EYA2: variants seen among roughly 807,000 people sequenced by gnomAD.
EYA2 encodes EYA transcriptional coactivator and phosphatase 2.
EYA2 carries 31 observed loss-of-function variants against 69.2 expected under a neutral mutation model. That is an observed-to-expected ratio of 0.45 (90% CI 0.34 to 0.60). The LOEUF (loss-of-function observed/expected upper bound fraction) is 0.60. EYA2 is among the 20% of genes least tolerant of loss of function. EYA2 has a pLI of 0.02. For missense variants in EYA2, 622 were observed against 701.2 expected, an observed-to-expected ratio of 0.89 and a Z score of 1.28; for synonymous variants, 257 against 279.4, an observed-to-expected ratio of 0.92 and a Z score of 0.80.
At position 46,912,394 on chromosome 20, in the gene EYA2, A is replaced by G. The variant is rs77415751; in HGVS notation, c.-11+17407A>G. 3.7e-3 allele frequency among the ~76,000 whole-genome samples: 557 copies of G among 152,276 alleles called. 6 individuals are homozygous for G. Among genetic ancestry groups the G allele is most frequent in the African/African-American group, 0.013 (526 of 41,560 alleles). On this transcript the variant is annotated intron_variant, in intron 1 of 15. Transcript: ENST00000327619. ...ACAAATCCTGTCGAGTGTCTGAAAT[A>G]CCATCCATGTGAAGGTTTCCCATGA...
intron 5 of EYA2, among the ~76,000 whole-genome samples, chr20:47,059,143 T>G (rs191796397): frequency 2.1e-4 from 32 of 152,234 alleles, no homozygotes; most frequent in African/African-American, 7.7e-4. Context: ...AAATTAACTC[T>G]GCCTTAACAC....
chr20:46,961,493 C>T, intron 1 of EYA2, among the ~76,000 whole-genome samples: 1 of 152,236 alleles, frequency 6.6e-6, no homozygotes, highest in African/African-American at 2.4e-5. Context: ...ATATAGCTAC[C>T]ATATGATCCA....
chr20:46,971,702 T>A (rs959869740), intron 1 of EYA2, among the ~76,000 whole-genome samples: 3 of 152,238 alleles, frequency 2.0e-5, no homozygotes, highest in Non-Finnish European at 2.9e-5. Context: ...GAACTTATCT[T>A]TTCACATTAT....
intron 1 of EYA2, among the ~76,000 whole-genome samples, chr20:46,949,731 T>C (rs999776003): frequency 4.6e-5 from 7 of 152,226 alleles, no homozygotes; most frequent in African/African-American, 1.7e-4. Flanking sequence ...CTTGATACTT[T>C]TATGTAGCTG....
At chr20:47,007,873 C>T (rs1245767355) in intron 4 of EYA2, among the ~76,000 whole-genome samples, 1 of 152,052 alleles carries the variant, frequency 6.6e-6, no homozygotes, top group East Asian at 1.9e-4. Flanking sequence ...AGCAATCCTC[C>T]TATCTCTGCT....
chr20:46,957,246 C>G (rs752581901), intron 1 of EYA2, among the ~76,000 whole-genome samples: 21 of 152,174 alleles, frequency 1.4e-4, no homozygotes, highest in Non-Finnish European at 2.9e-4. Context: ...GTACCCCTTC[C>G]TCCTTCTTTA....
At chr20:47,063,423 G>A (rs1429285777) in intron 5 of EYA2, among the ~76,000 whole-genome samples, 1 of 144,868 alleles carries the variant, frequency 6.9e-6, no homozygotes, top group Non-Finnish European at 1.5e-5. Flanking sequence ...GTGTGTGTGT[G>A]TGTGTGTTTT....
chr20:47,074,228 C>T lies in EYA2; in HGVS notation c.554C>T (p.Pro185Leu). ...PQYYGSSYNPPYVPASSICPS... is the reference protein window; with the variant it reads ...PQYYGSSYNPLYVPASSICPS... ...TATTACGGCTCATCCTACAACCCTCCCTACGTCCCGGCCAGCAGCATCTGC... is the reference window on the plus strand; with the variant it reads ...TATTACGGCTCATCCTACAACCCTCTCTACGTCCCGGCCAGCAGCATCTGC... The change falls in exon 7 of 16, where the codon CCC becomes CTC. Residue 185 changes from proline (P) to leucine (L), a missense_variant. Pro to Leu is a moderately conservative substitution (Grantham distance 98). Coordinates refer to ENST00000327619, the MANE Select transcript of EYA2 (RefSeq NM_005244.5). The T allele has an allele frequency of 6.2e-7, 1 of 1,614,134 alleles. No homozygotes were observed. Among genetic ancestry groups the T allele is most frequent in the South Asian group, 1.1e-5 (1 of 91,082 alleles).
intron 9 of EYA2, among the ~76,000 whole-genome samples, chr20:47,138,878 A>G (rs2146592247): frequency 6.6e-6 from 1 of 152,262 alleles, no homozygotes; most frequent in Non-Finnish European, 1.5e-5. Flanking sequence ...AGCCTTTCAG[A>G]TATGTATAAA....
intron 4 of EYA2, among the ~76,000 whole-genome samples, chr20:47,009,609 A>G (rs560773295): frequency 1.3e-5 from 2 of 152,112 alleles, no homozygotes; most frequent in Non-Finnish European, 2.9e-5. Context: ...ATTCCCCTGC[A>G]TTTTTTTATG....
At position 47,073,352 on chromosome 20, in the gene EYA2, A is replaced by G. The variant is rs1439688282; in HGVS notation, c.484-806A>G. On this transcript the variant is annotated intron_variant, in intron 6 of 15. Coordinates refer to ENST00000327619, the MANE Select transcript of EYA2 (RefSeq NM_005244.5). The stretch of plus-strand genomic sequence containing the variant: ...TTGAATTGATCTCCATGACTCCCTC[A>G]TAGAATATTCTGGACCCCTAATGCT... Among the ~76,000 whole-genome samples, 6 of 152,256 alleles carry G rather than the reference A, an allele frequency of 3.9e-5. No homozygotes were observed. In the East Asian group the frequency reaches 5.8e-4, roughly 15 times the overall value.
intron 1 of EYA2, among the ~76,000 whole-genome samples, chr20:46,983,295 G>C (rs1036679610): frequency 6.6e-6 from 1 of 152,076 alleles, no homozygotes; most frequent in East Asian, 1.9e-4. Flanking sequence ...AAACATTGTG[G>C]AGACTCTGGA....
chr20:47,037,704 C>T (rs1339116878), intron 5 of EYA2, among the ~76,000 whole-genome samples: 1 of 152,178 alleles, frequency 6.6e-6, no homozygotes, highest in East Asian at 1.9e-4. Flanking sequence ...CTTCTGTAGT[C>T]CCATCTCTCT....
intron 10 of EYA2, among the ~76,000 whole-genome samples, chr20:47,146,707 G>A (rs1226525975): frequency 2.0e-5 from 3 of 152,206 alleles, no homozygotes; most frequent in Admixed American, 6.5e-5. Flanking sequence ...CCAGAGAGAG[G>A]CGTGCTCAAG....
chr20:46,953,985 C>T (rs963418978), intron 1 of EYA2, among the ~76,000 whole-genome samples: 1 of 152,096 alleles, frequency 6.6e-6, no homozygotes, highest in Admixed American at 6.5e-5. Flanking sequence ...ACATGTTCTT[C>T]TCTCCCTGTG....
At chr20:47,029,473 A>C (rs1260803173) in intron 5 of EYA2, among the ~76,000 whole-genome samples, 1 of 152,214 alleles carries the variant, frequency 6.6e-6, no homozygotes, top group Admixed American at 6.5e-5. Flanking sequence ...TGGGTGGCCA[A>C]TTTGGGGTTG....
At chr20:46,976,176 C>A (rs893366041) in intron 1 of EYA2, among the ~76,000 whole-genome samples, 1 of 152,116 alleles carries the variant, frequency 6.6e-6, no homozygotes, top group African/African-American at 2.4e-5. Context: ...GCCTGGGCAA[C>A]AAAGTGAGAT....
chr20:47,026,826 G>A (rs1247518741), intron 5 of EYA2, among the ~76,000 whole-genome samples: 1 of 152,196 alleles, frequency 6.6e-6, no homozygotes, highest in Non-Finnish European at 1.5e-5. Context: ...CTCTAGAATG[G>A]ATCCCAAGGA....
chr20:47,006,954 A>G (rs1346638801), intron 4 of EYA2, among the ~76,000 whole-genome samples: 1 of 152,178 alleles, frequency 6.6e-6, no homozygotes, highest in African/African-American at 2.4e-5. Flanking sequence ...TTTTTGAGAC[A>G]GCATCTCACT....
Sources: allele counts gnomAD v4.1 joint callset (sites outside exome capture counted in the v4.1 genomes callset), GRCh38; gene constraint gnomAD v4.1.1; transcripts MANE v1.5; gene names NCBI Gene and HGNC (gene_info 2026-07-23, HGNC 2026-07-21).